NTM: variants seen among roughly 807,000 people sequenced by gnomAD.
The protein encoded by NTM is IgLON family member 2.
Under a neutral mutation model 42.1 loss-of-function variants are expected in NTM, and 13 were observed. That is an observed-to-expected ratio of 0.31 (90% CI 0.20 to 0.49). The LOEUF is 0.49. NTM is among the 20% of genes least tolerant of loss of function. The pLI, the probability that NTM is intolerant of heterozygous loss-of-function variation, is 0.99. For missense variants in NTM, 373 were observed against 452.8 expected (o/e 0.82, Z 1.60); for synonymous variants, 187 against 179.2 (o/e 1.04, Z -0.35).
intron 1 of NTM, among the ~76,000 whole-genome samples, chr11:131,620,169 T>C (rs914477852): frequency 6.6e-6 from 1 of 152,184 alleles, no homozygotes; most frequent in Non-Finnish European, 1.5e-5. Flanking sequence ...CGAGACTATA[T>C]CCAAGAGGGC....
At chr11:131,523,514 C>T (rs554742545) in intron 1 of NTM, among the ~76,000 whole-genome samples, 16 of 152,162 alleles carry the variant, frequency 1.1e-4, no homozygotes, top group African/African-American at 2.4e-4. Flanking sequence ...AAGGGTCAGG[C>T]GCAGTGGCTG....
At chr11:131,434,921 A>G (rs535141416) in intron 1 of NTM, among the ~76,000 whole-genome samples, 82 of 152,306 alleles carry the variant, frequency 5.4e-4, no homozygotes, top group Non-Finnish European at 1.0e-3. Context: ...TTATGGTTTT[A>G]GGTCTAACAT....
Position 131,599,817 on chromosome 11 carries a change from G to T in NTM, c.82+228929G>T, listed in dbSNP as rs59636338. Reference sequence around the variant, plus strand: ...GAAGTCAAGTCTGCAGCTGACCCATGAAGAATGGTTGGGGATTTCTCCCAG... The same window carrying T: ...GAAGTCAAGTCTGCAGCTGACCCATTAAGAATGGTTGGGGATTTCTCCCAG... On this transcript the variant is annotated intron_variant, in intron 1 of 8. Transcript: ENST00000683400. Among the ~76,000 whole-genome samples the T allele has an allele frequency of 1.6e-3, 250 of 152,332 alleles. 1 individual carries two copies. Among genetic ancestry groups the T allele is most frequent in the African/African-American group, 5.7e-3 (237 of 41,568 alleles).
At chr11:131,622,418 T>G (rs191908871) in intron 1 of NTM, among the ~76,000 whole-genome samples, 99 of 152,318 alleles carry the variant, frequency 6.5e-4, no homozygotes, top group African/African-American at 2.3e-3. Flanking sequence ...AGCCGCTCAT[T>G]TGTATGCTCC....
intron 2 of NTM, among the ~76,000 whole-genome samples, chr11:131,992,775 C>T (rs1243158041): frequency 6.6e-6 from 1 of 152,178 alleles, no homozygotes; most frequent in Non-Finnish European, 1.5e-5. Flanking sequence ...CCTACACTTG[C>T]ACTGGTGTAA....
At chr11:131,467,819 G>T (rs1055252963) in intron 1 of NTM, among the ~76,000 whole-genome samples, 3 of 152,228 alleles carry the variant, frequency 2.0e-5, no homozygotes, top group Admixed American at 6.5e-5. Flanking sequence ...AGGATTGAAT[G>T]ACCTGGGAAG....
chr11:132,179,594 A>G (rs2077272961), intron 3 of NTM, among the ~76,000 whole-genome samples: 2 of 152,236 alleles, frequency 1.3e-5, no homozygotes, highest in African/African-American at 4.8e-5. Context: ...TGTTATAAGC[A>G]GATGAGATTT....
At chr11:131,978,916 G>A (rs1162285307) in intron 2 of NTM, among the ~76,000 whole-genome samples, 1 of 152,102 alleles carries the variant, frequency 6.6e-6, no homozygotes, top group African/African-American at 2.4e-5. Flanking sequence ...TTAACATTCT[G>A]TGGCAGATAA....
intron 4 of NTM, among the ~76,000 whole-genome samples, chr11:132,270,647 ATTTTTATTTTT>A (rs976930914): frequency 1.8e-3 from 249 of 139,922 alleles, no homozygotes; most frequent in African/African-American, 6.1e-3. Context: ...TTATAAATTT[ATTTTTATTTTT>A]TTTTTTACTT....
intron 4 of NTM, among the ~76,000 whole-genome samples, chr11:132,259,547 G>A (rs1169670426): frequency 1.3e-5 from 2 of 151,862 alleles, no homozygotes; most frequent in African/African-American, 4.8e-5. Flanking sequence ...TGGCGTGGTG[G>A]TGCACACCTG....
At chr11:131,732,310 C>T (rs1171518195) in intron 1 of NTM, among the ~76,000 whole-genome samples, 1 of 152,098 alleles carries the variant, frequency 6.6e-6, no homozygotes, top group African/African-American at 2.4e-5. Flanking sequence ...TCTAATTGTC[C>T]CTATTTTCTG....
intron 1 of NTM, among the ~76,000 whole-genome samples, chr11:131,538,852 AAG>A (rs2052699903): frequency 1.3e-5 from 2 of 151,938 alleles, no homozygotes; most frequent in Non-Finnish European, 2.9e-5. Context: ...CAAAATTGCT[AAG>A]AGAGTAAATT....
At chr11:131,999,810 T>C (rs1322280755) in intron 2 of NTM, among the ~76,000 whole-genome samples, 1 of 152,188 alleles carries the variant, frequency 6.6e-6, no homozygotes, top group African/African-American at 2.4e-5. Context: ...GATCAAAGCA[T>C]TCATTAAAGA....
chr11:131,959,090 G>C (rs1332846494), intron 2 of NTM, among the ~76,000 whole-genome samples: 1 of 152,180 alleles, frequency 6.6e-6, no homozygotes, highest in African/African-American at 2.4e-5. Flanking sequence ...TGTTCCCCAG[G>C]TCTCAAGAGG....
At chr11:131,740,125 G>A (rs560475314) in intron 1 of NTM, among the ~76,000 whole-genome samples, 6 of 152,234 alleles carry the variant, frequency 3.9e-5, no homozygotes, top group African/African-American at 9.6e-5. Flanking sequence ...TGCCTCACTC[G>A]CAGGGCTGAT....
At chr11:132,043,154 G>A (rs1277671392) in intron 2 of NTM, among the ~76,000 whole-genome samples, 6 of 152,106 alleles carry the variant, frequency 3.9e-5, no homozygotes, top group Non-Finnish European at 8.8e-5. Flanking sequence ...TTGCTTTTTG[G>A]TCGTAGCTGA....
At chr11:131,395,972 C>G (rs1023998997) in intron 1 of NTM, among the ~76,000 whole-genome samples, 2 of 152,134 alleles carry the variant, frequency 1.3e-5, no homozygotes, top group African/African-American at 4.8e-5. Flanking sequence ...TCTTGGCTTA[C>G]CCACTAAGAC....
chr11:131,484,259 T>G (rs1393711842), intron 1 of NTM, among the ~76,000 whole-genome samples: 1 of 152,178 alleles, frequency 6.6e-6, no homozygotes, highest in Non-Finnish European at 1.5e-5. Context: ...TATTGGTAAA[T>G]TTTGTATTAA....
chr11:131,703,306 T>C lies in NTM; in HGVS notation c.83-208258T>C, dbSNP rs937449397. Among the ~76,000 whole-genome samples the C allele has an allele frequency of 8.6e-4, 131 of 152,352 alleles. 1 individual carries two copies. The highest frequency in any genetic ancestry group is 3.0e-3 in the African/African-American group (124 of 41,586). ...ATTTGATCACTCCAGAATATATACATGTGTCATAATACCACCACTTTGTAT... is the reference window on the plus strand; with the variant it reads ...ATTTGATCACTCCAGAATATATACACGTGTCATAATACCACCACTTTGTAT... On this transcript the variant is annotated intron_variant, in intron 1 of 8. Transcript: ENST00000683400.
Sources: allele counts gnomAD v4.1 joint callset (sites outside exome capture counted in the v4.1 genomes callset), GRCh38; gene constraint gnomAD v4.1.1; transcripts MANE v1.5; gene names NCBI Gene and HGNC (gene_info 2026-07-23, HGNC 2026-07-21).